The following MYO3B variants were observed in gnomAD, a reference collection of about 807,000 sequenced individuals.
MYO3B encodes the protein myosin IIIB, also known as myosin-IIIb.
Under a neutral mutation model 174.6 loss-of-function variants are expected in MYO3B, and 156 were observed. The observed-to-expected ratio is 0.89, with a 90% CI of 0.78 to 1.02. The LOEUF (loss-of-function observed/expected upper bound fraction) is 1.02, where lower values mean the gene tolerates loss of function less well. Among genes scored for constraint, MYO3B ranks in the 50% least tolerant of loss-of-function variants. The pLI, the probability that MYO3B is intolerant of heterozygous loss-of-function variation, is 0.00. For synonymous variants in MYO3B, 563 were observed against 569.1 expected (o/e 0.99, Z 0.15); for missense variants, 1,632 against 1,639.4 (o/e 1.00, Z 0.08).
chr2:170,400,255 T>G lies in MYO3B; in HGVS notation c.1859T>G (p.Ile620Ser). The G allele has an allele frequency of 6.2e-7, 1 of 1,614,092 alleles. No homozygotes were observed. Among genetic ancestry groups the G allele is most frequent in the Non-Finnish European group, 8.5e-7 (1 of 1,180,012 alleles). Residue 620 changes from isoleucine to serine, a missense_variant, in exon 17 of 35, where the codon ATT becomes AGT. Ile to Ser is a moderately radical substitution (Grantham distance 142). Transcript: ENST00000408978. ...ATTGGGAACATTGAGTTCGCAGCTA[T>G]TTCCTCTCAACATCAGACTGATAAA... is the stretch of plus-strand genomic sequence containing the variant. ...LNIGNIEFAA[I>S]SSQHQTDKSE...
At chr2:170,195,440 AC>A (rs1168511169) in intron 1 of MYO3B, among the ~76,000 whole-genome samples, 3 of 152,040 alleles carry the variant, frequency 2.0e-5, no homozygotes, top group African/African-American at 7.2e-5. Context: ...CTGCCACTGG[AC>A]AGCCAAGCTT....
chr2:170,340,631 T>C (rs1574814743), intron 8 of MYO3B: 1 of 152,190 alleles, frequency 6.6e-6, no homozygotes, highest in African/African-American at 2.4e-5. Context: ...GACAGTTGTA[T>C]AGAAGTATGA....
intron 30 of MYO3B, among the ~76,000 whole-genome samples, chr2:170,521,620 T>A (rs888483944): frequency 2.6e-5 from 4 of 152,166 alleles, no homozygotes; most frequent in Non-Finnish European, 5.9e-5. Context: ...TTGTGCAGTG[T>A]TCCTGCCATC....
At chr2:170,405,660 C>A (rs2094504893) in intron 21 of MYO3B, 27 bp downstream of exon 21, 1 of 1,604,276 alleles carries the variant, frequency 6.2e-7, no homozygotes, top group Non-Finnish European at 8.5e-7. Context: ...AGTTATTAGA[C>A]CTGAATTTGG....
chr2:170,241,765 TA>T (rs2093136718), intron 7 of MYO3B, among the ~76,000 whole-genome samples: 1 of 152,018 alleles, frequency 6.6e-6, no homozygotes, highest in African/African-American at 2.4e-5. Context: ...ACTCAGTGCC[TA>T]CAATCGACTC....
intron 32 of MYO3B, among the ~76,000 whole-genome samples, chr2:170,629,447 T>C (rs1449458260): frequency 2.0e-5 from 3 of 152,156 alleles, no homozygotes; most frequent in African/African-American, 7.2e-5. Flanking sequence ...GAGGGTAAAA[T>C]TATCATAAAA....
chr2:170,467,636 T>A (rs1003738149), intron 25 of MYO3B, among the ~76,000 whole-genome samples: 1 of 151,342 alleles, frequency 6.6e-6, no homozygotes, highest in African/African-American at 2.4e-5. Flanking sequence ...AAAAAAAAAA[T>A]ACATTGTAGA....
intron 32 of MYO3B, among the ~76,000 whole-genome samples, chr2:170,619,800 G>A (rs1695756741): frequency 8.1e-6 from 1 of 123,092 alleles, no homozygotes; most frequent in Non-Finnish European, 1.6e-5. Context: ...AAGCTAGAGT[G>A]CGGTGGGGTG....
intron 25 of MYO3B, among the ~76,000 whole-genome samples, chr2:170,482,475 C>T (rs1052161911): frequency 6.6e-6 from 1 of 152,156 alleles, no homozygotes; most frequent in Non-Finnish European, 1.5e-5. Context: ...CTTTGCCTGC[C>T]GCCATCCACG....
chr2:170,328,426 T>A (rs530560970), intron 7 of MYO3B, among the ~76,000 whole-genome samples: 14 of 152,266 alleles, frequency 9.2e-5, no homozygotes, highest in Non-Finnish European at 1.3e-4. Flanking sequence ...TGGGACCATT[T>A]GCTGATTGCT....
chr2:170,446,392 C>T (rs1258447066), intron 23 of MYO3B, among the ~76,000 whole-genome samples: 4 of 152,150 alleles, frequency 2.6e-5, no homozygotes, highest in African/African-American at 7.2e-5. Flanking sequence ...CTGCCTTCCA[C>T]ACCCATAGTA....
At chr2:170,214,702 G>C in intron 4 of MYO3B, 27 bp from the exon 5 acceptor site, 3 of 1,592,722 alleles carry the variant, frequency 1.9e-6, no homozygotes, top group Non-Finnish European at 2.6e-6. Context: ...CTTTCCTGTT[G>C]TTTGGTGGTG....
intron 32 of MYO3B, among the ~76,000 whole-genome samples, chr2:170,630,245 G>A (rs111548803): frequency 9.2e-5 from 14 of 152,324 alleles, no homozygotes; most frequent in African/African-American, 3.1e-4. Context: ...CAGCACACCA[G>A]GAGATTATAT....
At position 170,379,991 on chromosome 2, in the gene MYO3B, T is replaced by C. The variant is rs555174295; in HGVS notation, c.972-2025T>C. ...CAATATGCAGAGCTGATAAGTTTGC[T>C]TCTTCCTTTTTACCTACTTTTGTGA... On this transcript the variant is annotated intron_variant, in intron 9 of 34. Transcript: ENST00000408978. Among the ~76,000 whole-genome samples the C allele has an allele frequency of 3.9e-5, 6 of 152,382 alleles. No individual in the cohort carries two copies. In the South Asian group the frequency reaches 6.2e-4, roughly 16 times the overall value.
At position 170,354,055 on chromosome 2, in the gene MYO3B, C is replaced by T. The variant is rs1448377447; in HGVS notation, c.816-15167C>T. Among the ~76,000 whole-genome samples, 5 of 152,162 alleles carry T rather than the reference C, an allele frequency of 3.3e-5. No individual in the cohort carries two copies. The South Asian group carries it at 8.3e-4, about 25-fold the overall frequency. On this transcript the variant is annotated intron_variant, in intron 8 of 34. Coordinates refer to ENST00000408978, the MANE Select transcript of MYO3B (RefSeq NM_138995.5). ...TATTAATGCATACTAGTATGAAATT[C>T]GTGATCCATCTAACCTGTTACCTGT...
At chr2:170,652,470 T>TAC (rs1187597226) in intron 34 of MYO3B, among the ~76,000 whole-genome samples, 3 of 152,196 alleles carry the variant, frequency 2.0e-5, no homozygotes, top group African/African-American at 7.2e-5. Context: ...AAGAGCACTC[T>TAC]ACGAAGTACA....
chr2:170,501,940 G>A, intron 28 of MYO3B, 75 bp downstream of exon 28: 1 of 1,056,970 alleles, frequency 9.5e-7, no homozygotes. Flanking sequence ...TAGAAAAGCT[G>A]AAAGGTTAAT....
At chr2:170,401,014 G>A (rs561426427) in intron 17 of MYO3B, among the ~76,000 whole-genome samples, 4 of 152,068 alleles carry the variant, frequency 2.6e-5, no homozygotes, top group Admixed American at 6.6e-5. Flanking sequence ...GCATATACAG[G>A]AGAGAAAGCA....
chr2:170,418,578 G>T (rs34739609), intron 22 of MYO3B, among the ~76,000 whole-genome samples: 2 of 152,144 alleles, frequency 1.3e-5, no homozygotes, highest in Non-Finnish European at 2.9e-5. Context: ...TTACAACAGG[G>T]TGGAGTGTGG....
Sources: gnomAD v4.1 joint callset for allele counts (sites outside exome capture counted in the v4.1 genomes callset) on GRCh38, gnomAD v4.1.1 for gene constraint, MANE v1.5 for transcripts, NCBI Gene and HGNC (gene_info 2026-07-23, HGNC 2026-07-21) for gene names.